The following ZNF680 variants were observed in gnomAD, a reference collection of about 807,000 sequenced individuals.
ZNF680 encodes hypothetical protein FLJ90430.
ZNF680 carries 6 observed loss-of-function variants against 12.1 expected under a neutral mutation model. The observed-to-expected ratio is 0.49, with a 90% CI of 0.27 to 0.98. The LOEUF is 0.98. Among genes scored for constraint, ZNF680 ranks in the 50% least tolerant of loss-of-function variants. ZNF680 has a pLI of 0.12. For synonymous variants in ZNF680, 170 were observed against 199.3 expected (o/e 0.85, Z 1.24); for missense variants, 561 against 616.3 (o/e 0.91, Z 0.95).
intron 1 of ZNF680, among the ~76,000 whole-genome samples, chr7:64,558,957 G>C (rs773727516): frequency 6.6e-6 from 1 of 151,988 alleles, no homozygotes; most frequent in Non-Finnish European, 1.5e-5. Context: ...AAAAAAGGCC[G>C]GGTGGGGGAA....
At chr7:64,523,390 G>C (rs536402246) in intron 3 of ZNF680, among the ~76,000 whole-genome samples, 1 of 151,722 alleles carries the variant, frequency 6.6e-6, no homozygotes, top group Non-Finnish European at 1.5e-5. Context: ...TTGTATATCT[G>C]TATAGATATA....
the ZNF680 span, among the ~76,000 whole-genome samples, chr7:64,514,462 CA>C: frequency 6.6e-6 from 1 of 151,982 alleles, no homozygotes; most frequent in African/African-American, 2.4e-5. Flanking sequence ...TAATTTTCTT[CA>C]AAAAATGGTT....
intron 3 of ZNF680, among the ~76,000 whole-genome samples, chr7:64,523,593 A>T (rs1196230815): frequency 6.6e-6 from 1 of 152,166 alleles, no homozygotes; most frequent in African/African-American, 2.4e-5. Flanking sequence ...CAATCAAGAG[A>T]TATACTTTCA....
the ZNF680 span, among the ~76,000 whole-genome samples, chr7:64,509,083 C>T: frequency 3.3e-5 from 5 of 152,116 alleles, no homozygotes; most frequent in Admixed American, 3.3e-4. Flanking sequence ...CAGCATTGTC[C>T]AATGAGTTTG....
chr7:64,508,123 G>GTGTATATATATATATATATATA, the ZNF680 span, among the ~76,000 whole-genome samples: 19 of 117,664 alleles, frequency 1.6e-4, no homozygotes, highest in African/African-American at 8.0e-4. Flanking sequence ...ATTTTAAAAT[G>GTGTATATATATATATATATATA]TATATATATA....
intron 3 of ZNF680, chr7:64,525,959 A>C (rs142350889): frequency 0.01 from 10,124 of 984,968 alleles, 57 homozygotes; most frequent in Admixed American, 0.014. Flanking sequence ...CATATGGCTG[A>C]TTCATATTTG....
At chr7:64,504,556 T>C in the ZNF680 span, among the ~76,000 whole-genome samples, 1 of 152,236 alleles carries the variant, frequency 6.6e-6, no homozygotes, top group South Asian at 2.1e-4. Context: ...AAAGCCTTTG[T>C]GAGGCAGAGT....
At chr7:64,562,635 C>A (rs1335936445) in intron 1 of ZNF680, among the ~76,000 whole-genome samples, 1 of 152,244 alleles carries the variant, frequency 6.6e-6, no homozygotes, top group South Asian at 2.1e-4. Flanking sequence ...GAACCCTGCA[C>A]CCCGAGTTAT....
intron 3 of ZNF680, among the ~76,000 whole-genome samples, chr7:64,528,119 G>C (rs763293252): frequency 7.7e-5 from 7 of 91,454 alleles, no homozygotes; most frequent in Non-Finnish European, 1.8e-4. Context: ...AGTGAAATAT[G>C]GGGGGTGGAA....
intron 1 of ZNF680, 51 bp from the exon 2 acceptor site, chr7:64,544,483 C>T (rs1584387740): frequency 1.3e-6 from 2 of 1,564,538 alleles, no homozygotes; most frequent in Middle Eastern, 3.5e-4. Context: ...TATATATTTA[C>T]TAAATGACCA....
intron 1 of ZNF680, among the ~76,000 whole-genome samples, chr7:64,553,073 T>C (rs1424815082): frequency 2.0e-5 from 3 of 148,852 alleles, no homozygotes; most frequent in Non-Finnish European, 3.0e-5. Flanking sequence ...TGCAGTGAGC[T>C]GAGACTGCGC....
chr7:64,549,487 T>C (rs1290110871), intron 1 of ZNF680, among the ~76,000 whole-genome samples: 1 of 152,174 alleles, frequency 6.6e-6, no homozygotes, highest in Non-Finnish European at 1.5e-5. Flanking sequence ...TCCTGTTGGT[T>C]TTCTGTACAT....
downstream of ZNF680, among the ~76,000 whole-genome samples, chr7:64,519,662 C>A (rs575918902): frequency 5.9e-5 from 9 of 151,860 alleles, no homozygotes; most frequent in African/African-American, 2.2e-4. Context: ...CTTACTCTTG[C>A]TTTTGCTATG....
At chr7:64,513,126 C>G in the ZNF680 span, among the ~76,000 whole-genome samples, 1 of 152,108 alleles carries the variant, frequency 6.6e-6, no homozygotes, top group African/African-American at 2.4e-5. Flanking sequence ...CAAAATTCAT[C>G]TGCACCTAGA....
chr7:64,550,866 ATATGTT>A (rs1787038724), intron 1 of ZNF680, among the ~76,000 whole-genome samples: 3 of 152,204 alleles, frequency 2.0e-5, no homozygotes, highest in African/African-American at 7.2e-5. Context: ...TTGGCGCCTT[ATATGTT>A]TATGTCATGT....
At chr7:64,555,458 A>G (rs1168506232) in intron 1 of ZNF680, among the ~76,000 whole-genome samples, 1 of 152,120 alleles carries the variant, frequency 6.6e-6, no homozygotes, top group Non-Finnish European at 1.5e-5. Context: ...ATTGCAAAAA[A>G]TGAGAACAAA....
intron 2 of ZNF680, 124 bp downstream of exon 2, chr7:64,544,182 A>G: frequency 2.9e-6 from 4 of 1,397,168 alleles, no homozygotes; most frequent in Non-Finnish European, 2.9e-6. Context: ...AAGCTCAAAG[A>G]TTTTCTTGAA....
At chr7:64,540,134 A>G (rs1786420739) in intron 3 of ZNF680, among the ~76,000 whole-genome samples, 1 of 152,162 alleles carries the variant, frequency 6.6e-6, no homozygotes. Context: ...ACATGGTGAA[A>G]AGAAGGCGAT....
chr7:64,531,613 A>AAC (rs1439880906), intron 3 of ZNF680, among the ~76,000 whole-genome samples: 1 of 151,714 alleles, frequency 6.6e-6, no homozygotes, highest in Non-Finnish European at 1.5e-5. Context: ...AAAAAAAAAA[A>AAC]AACCTAGAAA....
Sources: gnomAD v4.1 joint callset for allele counts (sites outside exome capture counted in the v4.1 genomes callset) on GRCh38, gnomAD v4.1.1 for gene constraint, MANE v1.5 for transcripts, NCBI Gene and HGNC (gene_info 2026-07-23, HGNC 2026-07-21) for gene names.